SORCS1: variants seen among roughly 807,000 people sequenced by gnomAD.
SORCS1 encodes sortilin related VPS10 domain containing receptor 1.
A neutral mutation model predicts 146.1 loss-of-function variants in SORCS1; 60 were observed. That is an observed-to-expected ratio of 0.41 (90% CI 0.33 to 0.51). The LOEUF (loss-of-function observed/expected upper bound fraction) is 0.51. SORCS1 is among the 20% of genes least tolerant of loss of function. The probability of loss-of-function intolerance (pLI) is 0.21; values close to 1 mark genes in which losing one functional copy is unlikely to be tolerated. For missense variants in SORCS1, 1,352 were observed against 1,487.6 expected (o/e 0.91, Z 1.50); for synonymous variants, 637 against 584.0 (o/e 1.09, Z -1.31).
rs1301256987 is a variant in SORCS1 at position 106,956,557 on chromosome 10, G to C, written c.582C>G (p.Leu194=). 4 of 1,614,050 alleles carry C rather than the reference G, an allele frequency of 2.5e-6. No individual in the cohort carries two copies. The highest frequency in any genetic ancestry group is 2.2e-5 in the East Asian group (1 of 44,896). Residue 194 remains leucine (L), a synonymous_variant, in exon 2 of 26, where the codon CTC becomes CTG. Coordinates refer to ENST00000263054, the MANE Select transcript of SORCS1 (RefSeq NM_052918.5). ...TGATGCTCCCCAGGTTATAGTCATA[G>C]AGCTTTGTCAAAATGAGAATCACCT... is the stretch of plus-strand genomic sequence containing the variant. ...NSSVILILTK[L]YDYNLGSITE... is the part of the protein sequence containing the mutation.
In SORCS1 at chr10:106,660,309, GTGA is replaced by G. The variant is rs1269243577; in HGVS notation, c.2303+7377_2303+7379del. 1.5e-4 allele frequency among the ~76,000 whole-genome samples: 23 copies of G among 152,246 alleles called. No individual in the cohort carries two copies. In the East Asian group the frequency reaches 4.1e-3, roughly 27 times the overall value. On this transcript the variant is annotated intron_variant, in intron 17 of 25. Transcript: ENST00000263054. ...ATTATACATATTTATAAGGTACAGT[GTGA>G]TGTTTTGATACATATATACATTGTG...
At chr10:106,605,501 C>T (rs1403647994) in intron 23 of SORCS1, among the ~76,000 whole-genome samples, 1 of 152,136 alleles carries the variant, frequency 6.6e-6, no homozygotes, top group Non-Finnish European at 1.5e-5. Context: ...CATGAAAAAC[C>T]AGTAAGATTT....
At chr10:106,741,470 C>A (rs1336110931) in intron 5 of SORCS1, among the ~76,000 whole-genome samples, 1 of 152,120 alleles carries the variant, frequency 6.6e-6, no homozygotes, top group Non-Finnish European at 1.5e-5. Flanking sequence ...TGGTGGCATG[C>A]ACCTGTAATC....
chr10:106,915,449 A>G (rs1952373701), intron 2 of SORCS1, among the ~76,000 whole-genome samples: 1 of 151,974 alleles, frequency 6.6e-6, no homozygotes, highest in Non-Finnish European at 1.5e-5. Context: ...TTCAAAATGC[A>G]TATTTGCCCA....
At chr10:107,034,693 A>AAAAAAC (rs1958814730) in intron 1 of SORCS1, among the ~76,000 whole-genome samples, 1 of 145,490 alleles carries the variant, frequency 6.9e-6, no homozygotes, top group Admixed American at 7.1e-5. Context: ...AAAAAAAAAA[A>AAAAAAC]AAAAAAAAAA....
chr10:107,041,749 C>T (rs990426844), intron 1 of SORCS1, among the ~76,000 whole-genome samples: 3 of 151,968 alleles, frequency 2.0e-5, no homozygotes, highest in African/African-American at 7.3e-5. Context: ...TAGATTGGTC[C>T]GACAGAGGGG....
chr10:107,082,417 T>G (rs1160574135), intron 1 of SORCS1, among the ~76,000 whole-genome samples: 1 of 152,200 alleles, frequency 6.6e-6, no homozygotes, highest in Non-Finnish European at 1.5e-5. Context: ...AGGTGAAGAC[T>G]TTTGTTTTAT....
intron 18 of SORCS1, among the ~76,000 whole-genome samples, chr10:106,631,212 G>A (rs1200874057): frequency 6.6e-6 from 1 of 152,210 alleles, no homozygotes; most frequent in Admixed American, 6.5e-5. Context: ...GGGGCTCACA[G>A]CAGCAGACTC....
intron 2 of SORCS1, among the ~76,000 whole-genome samples, chr10:106,835,841 A>G (rs1263446921): frequency 6.6e-6 from 1 of 151,974 alleles, no homozygotes; most frequent in Non-Finnish European, 1.5e-5. Context: ...CCCCATCTCT[A>G]CTAAAAATAC....
intron 4 of SORCS1, 24 bp from the exon 5 acceptor site, chr10:106,761,685 G>A: frequency 6.2e-7 from 1 of 1,600,672 alleles, no homozygotes; most frequent in Non-Finnish European, 8.6e-7. Context: ...AAATTACTCA[G>A]CACTATGGTT....
intron 16 of SORCS1, among the ~76,000 whole-genome samples, chr10:106,668,890 C>T (rs1014501233): frequency 9.2e-5 from 14 of 152,124 alleles, no homozygotes; most frequent in African/African-American, 3.4e-4. Flanking sequence ...AGGAGAAACA[C>T]TCAGTGACAA....
At chr10:106,931,304 A>T (rs746716252) in intron 2 of SORCS1, among the ~76,000 whole-genome samples, 13 of 152,242 alleles carry the variant, frequency 8.5e-5, no homozygotes, top group Non-Finnish European at 1.9e-4. Context: ...ACCAGTACAT[A>T]CAAAGAAACG....
intron 1 of SORCS1, among the ~76,000 whole-genome samples, chr10:107,073,441 G>A (rs1286300367): frequency 1.3e-5 from 2 of 152,048 alleles, no homozygotes; most frequent in African/African-American, 4.8e-5. Flanking sequence ...TCTAATTGAG[G>A]GGATTCTACC....
At chr10:106,850,218 C>T (rs1349380317) in intron 2 of SORCS1, among the ~76,000 whole-genome samples, 2 of 152,032 alleles carry the variant, frequency 1.3e-5, no homozygotes, top group South Asian at 2.1e-4. Context: ...TCTCAGACTG[C>T]TGTGCTAGCA....
Position 107,021,513 on chromosome 10 carries a change from C to CAAAAA in SORCS1, c.559-64938_559-64934dup, listed in dbSNP as rs869141427. On this transcript the variant is annotated intron_variant, in intron 1 of 25. Transcript: ENST00000263054. ...TAGGCAACAGAGCGACACTCCGTCT[C>CAAAAA]AAAAAAAAAAAAAAAAAAAAAAAAA... 4.2e-4 allele frequency among the ~76,000 whole-genome samples: 29 copies of CAAAAA among 68,624 alleles called. 1 individual carries two copies. The highest frequency in any genetic ancestry group is 1.0e-3 in the East Asian group (2 of 1,944). 45.0% of individuals were successfully genotyped at this position (68,624 alleles called of 152,430 possible). A position where few individuals can be genotyped will look rare whatever the true frequency, so the allele number is the denominator to read the frequency against.
Position 107,054,957 on chromosome 10 carries a change from A to T in SORCS1, c.559-98377T>A, listed in dbSNP as rs141817604. 3.3e-5 allele frequency among the ~76,000 whole-genome samples: 5 copies of T among 152,306 alleles called. No homozygotes were observed. In the East Asian group the frequency reaches 7.7e-4, roughly 23 times the overall value. On this transcript the variant is annotated intron_variant, in intron 1 of 25. Transcript: ENST00000263054. ...TGCCTAATAAGTGTTGGCCACTCTT[A>T]TTAGAACTTAGAAGAGCCCATCAGA... is the stretch of plus-strand genomic sequence containing the variant.
At chr10:107,016,615 T>C (rs1350564007) in intron 1 of SORCS1, among the ~76,000 whole-genome samples, 1 of 152,132 alleles carries the variant, frequency 6.6e-6, no homozygotes, top group Non-Finnish European at 1.5e-5. Flanking sequence ...GACCTTGGAG[T>C]AAACAAGGAT....
At chr10:106,897,173 G>T (rs904528082) in intron 2 of SORCS1, among the ~76,000 whole-genome samples, 2 of 150,618 alleles carry the variant, frequency 1.3e-5, no homozygotes, top group African/African-American at 4.9e-5. Context: ...GAGCCACCTC[G>T]CCTGGCCTGT....
rs770246127 is a variant in SORCS1 at position 106,620,548 on chromosome 10, G to A, written c.2676C>T (p.His892=). 1.5e-5 allele frequency: 24 copies of A among 1,613,900 alleles called. No individual in the cohort carries two copies. Among genetic ancestry groups the A allele is most frequent in the South Asian group, 3.3e-5 (3 of 91,070 alleles). ...LYLHVTCPLE[H]VHLSLPFVTT... is the part of the protein sequence containing the mutation. The stretch of plus-strand genomic sequence containing the variant: ...TGACAAAGGGAAGAGACAGGTGCAC[G>A]TGCTCCAAGGGACCTGAGGCACAAG... The change falls in exon 20 of 26, where the codon CAC becomes CAT. Residue 892 remains histidine (H), a synonymous_variant. Transcript: ENST00000263054.
Sources: allele counts gnomAD v4.1 joint callset (sites outside exome capture counted in the v4.1 genomes callset), GRCh38; gene constraint gnomAD v4.1.1; transcripts MANE v1.5; gene names NCBI Gene and HGNC (gene_info 2026-07-23, HGNC 2026-07-21).